Variants in CCDC7 observed in about 807,000 individuals in gnomAD.
CCDC7 encodes the protein coiled-coil domain containing 7, also known as coiled-coil domain-containing protein 7.
A neutral mutation model predicts 196.9 loss-of-function variants in CCDC7; 183 were observed. That is an observed-to-expected ratio of 0.93 (90% CI 0.82 to 1.05). CCDC7 has a LOEUF of 1.05. CCDC7 is among the 50% of genes least tolerant of loss of function. CCDC7 has a pLI of 0.00. For synonymous variants in CCDC7, 525 were observed against 484.6 expected, an observed-to-expected ratio of 1.08 and a Z score of -1.10; for missense variants, 1,540 against 1,482.2, an observed-to-expected ratio of 1.04 and a Z score of -0.64.
intron 25 of CCDC7, among the ~76,000 whole-genome samples, chr10:32,726,187 T>G (rs2083092082): frequency 6.6e-6 from 1 of 152,118 alleles, no homozygotes. Flanking sequence ...AAGATTATTT[T>G]TCACTTAACA....
At chr10:32,725,647 T>C (rs1219401227) in intron 25 of CCDC7, among the ~76,000 whole-genome samples, 1 of 152,120 alleles carries the variant, frequency 6.6e-6, no homozygotes, top group Non-Finnish European at 1.5e-5. Flanking sequence ...CAGCTTCTGA[T>C]GAGGCCTCAG....
At chr10:32,491,619 A>G (rs2042163992) in intron 8 of CCDC7, among the ~76,000 whole-genome samples, 1 of 152,166 alleles carries the variant, frequency 6.6e-6, no homozygotes, top group Non-Finnish European at 1.5e-5. Flanking sequence ...CTAGATATAT[A>G]GTATTGATCA....
rs560271531 is a variant in CCDC7 at position 32,670,763 on chromosome 10, C to T, written c.2122+6602C>T. Among the ~76,000 whole-genome samples, 8 of 152,096 alleles carry T rather than the reference C, an allele frequency of 5.3e-5. No homozygotes were observed. The East Asian group carries it at 1.5e-3, about 29-fold the overall frequency. On this transcript the variant is annotated intron_variant, in intron 21 of 41. Coordinates refer to ENST00000639629, the Ensembl canonical transcript of CCDC7. Reference sequence around the variant, plus strand: ...CAACTCTTAGTTTTGTTGATCTTTTCTATTGTTTTTTTCTCCCTTCTATTG... The same window carrying T: ...CAACTCTTAGTTTTGTTGATCTTTTTTATTGTTTTTTTCTCCCTTCTATTG...
chr10:32,574,626 G>A, intron 16 of CCDC7: 2 of 520,668 alleles, frequency 3.8e-6, no homozygotes, highest in Non-Finnish European at 5.7e-6. Context: ...TCAAACAATA[G>A]ATTTTAATAA....
intron 21 of CCDC7, among the ~76,000 whole-genome samples, chr10:32,681,274 G>A (rs901131235): frequency 6.6e-6 from 1 of 152,140 alleles, no homozygotes; most frequent in African/African-American, 2.4e-5. Flanking sequence ...TCTGTGGGAG[G>A]TAGTGCTGGG....
chr10:32,527,697 G>A (rs2135771308), intron 11 of CCDC7, among the ~76,000 whole-genome samples: 1 of 152,258 alleles, frequency 6.6e-6, no homozygotes, highest in South Asian at 2.1e-4. Flanking sequence ...ATGTGCGAAG[G>A]AGAACTGTGG....
intron 3 of CCDC7, among the ~76,000 whole-genome samples, chr10:32,462,063 C>A (rs2133678357): frequency 6.6e-6 from 1 of 152,036 alleles, no homozygotes; most frequent in East Asian, 1.9e-4. Flanking sequence ...TGAGCCACCC[C>A]ACCCAGCCTC....
At chr10:32,501,749 GAGCTCTCCTGT>G (rs1447687543) in intron 9 of CCDC7, among the ~76,000 whole-genome samples, 1 of 152,190 alleles carries the variant, frequency 6.6e-6, no homozygotes, top group Non-Finnish European at 1.5e-5. Flanking sequence ...ATGCCAGCCA[GAGCTCTCCTGT>G]ATGAGGTGTC....
intron 29 of CCDC7, among the ~76,000 whole-genome samples, chr10:32,780,327 A>C (rs952573251): frequency 3.9e-5 from 6 of 152,226 alleles, no homozygotes; most frequent in African/African-American, 1.4e-4. Context: ...TCTCTGGCAA[A>C]GATAAGTCCA....
At chr10:32,452,134 T>C (rs959750791) in intron 1 of CCDC7, among the ~76,000 whole-genome samples, 2 of 152,192 alleles carry the variant, frequency 1.3e-5, no homozygotes, top group East Asian at 3.9e-4. Context: ...TTAATTTCTT[T>C]AGCAATGAAT....
intron 18 of CCDC7, among the ~76,000 whole-genome samples, chr10:32,597,789 G>A (rs77579695): frequency 0.11 from 17,214 of 152,224 alleles, 1,173 homozygotes; most frequent in South Asian, 0.27. Flanking sequence ...GGCGGTCCAC[G>A]CCAGACCCTG....
chr10:32,767,072 T>C lies in CCDC7; in HGVS notation c.2906-11905T>C, dbSNP rs148335476. 8.7e-4 allele frequency among the ~76,000 whole-genome samples: 133 copies of C among 152,206 alleles called. 1 individual carries two copies. Among genetic ancestry groups the C allele is most frequent in the African/African-American group, 2.9e-3 (121 of 41,548 alleles). ...AACAACCAGATCTTGCAGGAACTAATACTAATAGAGTAACAACTCACTCAT... is the reference window on the plus strand; with the variant it reads ...AACAACCAGATCTTGCAGGAACTAACACTAATAGAGTAACAACTCACTCAT... On this transcript the variant is annotated intron_variant, in intron 28 of 41. Coordinates refer to ENST00000639629, the Ensembl canonical transcript of CCDC7.
At chr10:32,847,728 G>A (rs1169194283) in intron 37 of CCDC7, 105 bp from the exon 39 acceptor site, 8 of 695,488 alleles carry the variant, frequency 1.2e-5, no homozygotes, top group East Asian at 2.9e-5. Flanking sequence ...AAAAAAAAAG[G>A]AAAAGAAAAG....
At position 32,845,037 on chromosome 10, in the gene CCDC7, AT is replaced by A. The variant is rs543433574; in HGVS notation, c.3353-199del. 2.1e-3 allele frequency among the ~76,000 whole-genome samples: 319 copies of A among 150,892 alleles called. 1 individual carries two copies. The highest frequency in any genetic ancestry group is 6.7e-3 in the African/African-American group (279 of 41,474). Reference sequence around the variant, plus strand: ...TTTAAATGTCACCAAGGTAAAAAAAATTTTTTTCAAGACTAATATTTATGGT... The same window carrying A: ...TTTAAATGTCACCAAGGTAAAAAAAATTTTTTCAAGACTAATATTTATGGT... On this transcript the variant is annotated intron_variant, in intron 33 of 41. Coordinates refer to ENST00000639629, the Ensembl canonical transcript of CCDC7.
At chr10:32,571,866 C>T in exon 16 of CCDC7, 2 of 1,569,256 alleles carry the variant, frequency 1.3e-6, no homozygotes, top group Admixed American at 1.9e-5. Context: ...CAGATCACTG[C>T]CCAAAGCGGA....
chr10:32,681,519 G>C (rs551617038), intron 21 of CCDC7, among the ~76,000 whole-genome samples: 2 of 152,180 alleles, frequency 1.3e-5, no homozygotes, highest in South Asian at 4.1e-4. Context: ...AATGTTATAT[G>C]CCCAAGAGCC....
chr10:32,880,997 A>G (rs1437032176), downstream of CCDC7, among the ~76,000 whole-genome samples: 1 of 152,226 alleles, frequency 6.6e-6, no homozygotes, highest in Admixed American at 6.5e-5. Flanking sequence ...ATCAGATATC[A>G]ACAGAAGTGA....
At chr10:32,477,066 T>TC (rs2039103978) in intron 8 of CCDC7, among the ~76,000 whole-genome samples, 1 of 151,686 alleles carries the variant, frequency 6.6e-6, no homozygotes, top group South Asian at 2.1e-4. Flanking sequence ...ACTTAACATT[T>TC]TTTTTTTATT....
chr10:32,473,487 T>C (rs1445839324), intron 7 of CCDC7, among the ~76,000 whole-genome samples: 1 of 152,166 alleles, frequency 6.6e-6, no homozygotes, highest in African/African-American at 2.4e-5. Flanking sequence ...GAAGATTTTT[T>C]GTAGGATTTA....
Sources: gnomAD v4.1 joint callset for allele counts (sites outside exome capture counted in the v4.1 genomes callset) on GRCh38, gnomAD v4.1.1 for gene constraint, MANE v1.5 for transcripts, NCBI Gene and HGNC (gene_info 2026-07-23, HGNC 2026-07-21) for gene names.